The following GCLM variants were observed in gnomAD, a reference collection of about 807,000 sequenced individuals.
GCLM encodes glutamate-cysteine ligase modifier subunit, also known as glutamate--cysteine ligase regulatory subunit.
GCLM carries 15 observed loss-of-function variants against 36.0 expected under a neutral mutation model. That is an observed-to-expected ratio of 0.42 (90% CI 0.28 to 0.64). The LOEUF (loss-of-function observed/expected upper bound fraction) is 0.64. Ranked by LOEUF, GCLM falls within the 30% of genes least tolerant of loss-of-function variation. The pLI, the probability that GCLM is intolerant of heterozygous loss-of-function variation, is 0.25. For synonymous variants in GCLM, 129 were observed against 122.8 expected, an observed-to-expected ratio of 1.05 and a Z score of -0.34; for missense variants, 242 against 325.5, an observed-to-expected ratio of 0.74 and a Z score of 1.97.
At chr1:93,890,867 T>C (rs937865133) in intron 6 of GCLM, among the ~76,000 whole-genome samples, 3 of 151,374 alleles carry the variant, frequency 2.0e-5, no homozygotes, top group Admixed American at 6.6e-5. Flanking sequence ...GCCAATTCTT[T>C]TTTTCTTTTC....
At chr1:93,899,878 A>T (rs1034855140) in intron 3 of GCLM, among the ~76,000 whole-genome samples, 87 of 152,200 alleles carry the variant, frequency 5.7e-4, no homozygotes, top group African/African-American at 1.8e-3. Flanking sequence ...TATTTACTTT[A>T]TGTAAACTCA....
In GCLM at chr1:93,909,427, A is replaced by C. The variant is rs1657281982; in HGVS notation, c.-264T>G. The C allele has an allele frequency of 3.0e-6, 1 of 330,874 alleles. No homozygotes were observed. Among genetic ancestry groups the C allele is most frequent in the South Asian group, 1.2e-4 (1 of 8,270 alleles). 20.5% of individuals were successfully genotyped at this position (330,874 alleles called of 1,614,324 possible). ...GGCCGCAGCGGGAGAGCTGATTCCAAACTGAGGGAGCTGTTTCCTGGAAGA... is the reference window on the plus strand; with the variant it reads ...GGCCGCAGCGGGAGAGCTGATTCCACACTGAGGGAGCTGTTTCCTGGAAGA... On this transcript the variant is annotated 5_prime_UTR_variant, in exon 1 of 7. Transcript: ENST00000370238.
chr1:93,903,818 A>G (rs747336809), intron 2 of GCLM, among the ~76,000 whole-genome samples: 9 of 152,214 alleles, frequency 5.9e-5, no homozygotes, highest in Non-Finnish European at 1.0e-4. Context: ...ATTCTTGAGC[A>G]CTTTCACAGC....
At chr1:93,897,806 A>C in intron 4 of GCLM, 33 bp downstream of exon 4, 1 of 1,189,382 alleles carries the variant, frequency 8.4e-7, no homozygotes. Context: ...TTTAAAGTCC[A>C]CTATTAAGAT....
intron 6 of GCLM, among the ~76,000 whole-genome samples, chr1:93,891,611 CT>C (rs567809530): frequency 8.5e-5 from 13 of 152,092 alleles, no homozygotes; most frequent in Admixed American, 7.9e-4. Flanking sequence ...TGACTTGATC[CT>C]TTATCTCTAG....
chr1:93,901,263 A>G (rs1656939426), intron 3 of GCLM, among the ~76,000 whole-genome samples: 1 of 152,060 alleles, frequency 6.6e-6, no homozygotes, highest in Non-Finnish European at 1.5e-5. Flanking sequence ...CTTTGGGTGG[A>G]TGCTGCTTCT....
intron 1 of GCLM, among the ~76,000 whole-genome samples, chr1:93,904,816 G>C (rs1031658551): frequency 2.6e-5 from 4 of 152,144 alleles, no homozygotes; most frequent in African/African-American, 9.7e-5. Context: ...AACTAAAGAA[G>C]TTGTCTAATT....
chr1:93,892,599 T>A (rs1346606621), intron 6 of GCLM, among the ~76,000 whole-genome samples: 1 of 152,088 alleles, frequency 6.6e-6, no homozygotes, highest in Admixed American at 6.5e-5. Context: ...TCACCAAAAG[T>A]CTTAGAATTA....
chr1:93,899,600 A>G (rs751588926), intron 3 of GCLM, among the ~76,000 whole-genome samples: 3 of 152,226 alleles, frequency 2.0e-5, no homozygotes, highest in East Asian at 1.9e-4. Flanking sequence ...AAATGTTATT[A>G]TGAGTCAAAG....
chr1:93,904,648 T>C, intron 1 of GCLM, 60 bp from the exon 2 acceptor site: 1 of 1,015,886 alleles, frequency 9.8e-7, no homozygotes, highest in Non-Finnish European at 1.6e-6. Context: ...TCTGTACTTC[T>C]ACAATAAGAA....
intron 1 of GCLM, among the ~76,000 whole-genome samples, chr1:93,905,379 T>G (rs1407085997): frequency 6.6e-6 from 1 of 152,126 alleles, no homozygotes; most frequent in African/African-American, 2.4e-5. Context: ...TATTAAAATT[T>G]CAGACTCCTG....
chr1:93,890,440 A>C (rs185378342), intron 6 of GCLM, among the ~76,000 whole-genome samples: 1 of 152,310 alleles, frequency 6.6e-6, no homozygotes, highest in African/African-American at 2.4e-5. Context: ...TATACACATA[A>C]ATAATGCCCA....
intron 5 of GCLM, 69 bp from the exon 6 acceptor site, chr1:93,894,797 A>G: frequency 1.3e-6 from 1 of 750,620 alleles, no homozygotes; most frequent in Non-Finnish European, 2.4e-6. Context: ...GAAAGCAATA[A>G]GCAATAAAAT....
chr1:93,904,291 A>G (rs1462880568), intron 2 of GCLM: 1 of 488,206 alleles, frequency 2.0e-6, no homozygotes, highest in African/African-American at 2.0e-5. Flanking sequence ...CCATGGTGAG[A>G]ATTAAGCATG....
At position 93,889,052 on chromosome 1, in the gene GCLM, T is replaced by C. The variant is rs1314003714; in HGVS notation, c.763A>G (p.Lys255Glu). 4.4e-6 allele frequency: 7 copies of C among 1,603,908 alleles called. No individual in the cohort carries two copies. The highest frequency in any genetic ancestry group is 6.0e-6 in the Non-Finnish European group (7 of 1,175,390). Residue 255 changes from lysine (K) to glutamate (E), a missense_variant, in exon 7 of 7, where the codon AAA (lysine) becomes GAA (glutamate). Transcript: ENST00000370238. Reference sequence around the variant, plus strand: ...TTTGATTTGATAATTCCTCTACTTTTCACAATGACCGAATACCGCAGTAGC... The same window carrying C: ...TTTGATTTGATAATTCCTCTACTTTCCACAATGACCGAATACCGCAGTAGC... ...LWLLRYSVIVKSRGIIKSKGY... is the reference protein window; with the variant it reads ...LWLLRYSVIVESRGIIKSKGY...
intron 3 of GCLM, 35 bp downstream of exon 3, chr1:93,901,550 A>G: frequency 1.9e-6 from 2 of 1,067,384 alleles, no homozygotes; most frequent in Non-Finnish European, 2.9e-6. Context: ...CGCTTCCGCT[A>G]TGTAACAAAA....
chr1:93,904,926 C>T (rs1230636061), intron 1 of GCLM, among the ~76,000 whole-genome samples: 3 of 152,106 alleles, frequency 2.0e-5, no homozygotes, highest in Non-Finnish European at 4.4e-5. Flanking sequence ...GTAATCCCAG[C>T]ACTTTGGGAG....
intron 2 of GCLM, among the ~76,000 whole-genome samples, chr1:93,903,975 G>A (rs1274904621): frequency 6.6e-6 from 1 of 152,102 alleles, no homozygotes; most frequent in African/African-American, 2.4e-5. Context: ...TATGCCCAGG[G>A]GAACCAGTAT....
chr1:93,897,156 T>C (rs948354583), intron 4 of GCLM, among the ~76,000 whole-genome samples: 11 of 152,190 alleles, frequency 7.2e-5, no homozygotes, highest in Admixed American at 2.0e-4. Flanking sequence ...AGCTCCCTTA[T>C]CTTCATAAAA....
Sources: gnomAD v4.1 joint callset for allele counts (sites outside exome capture counted in the v4.1 genomes callset) on GRCh38, gnomAD v4.1.1 for gene constraint, MANE v1.5 for transcripts, NCBI Gene and HGNC (gene_info 2026-07-23, HGNC 2026-07-21) for gene names.